CELSR1: variants seen among roughly 807,000 people sequenced by gnomAD.
CELSR1 encodes the protein adhesion G protein-coupled receptor C1.
CELSR1 carries 110 observed loss-of-function variants against 249.1 expected under a neutral mutation model. That is an observed-to-expected ratio of 0.44 (90% CI 0.38 to 0.52). The LOEUF is 0.52. Ranked by LOEUF, CELSR1 falls within the 20% of genes least tolerant of loss-of-function variation. CELSR1 has a pLI of 0.00. For missense variants in CELSR1, 4,109 were observed against 4,296.4 expected, an observed-to-expected ratio of 0.96 and a Z score of 1.22; for synonymous variants, 2,113 against 1,900.0, an observed-to-expected ratio of 1.11 and a Z score of -2.92.
At chr22:46,496,098 G>A (rs942216554) in intron 1 of CELSR1, among the ~76,000 whole-genome samples, 1 of 151,516 alleles carries the variant, frequency 6.6e-6, no homozygotes, top group African/African-American at 2.4e-5. Context: ...GGAGGCTGAG[G>A]CAGGAGAATC....
intron 9 of CELSR1, among the ~76,000 whole-genome samples, chr22:46,403,523 C>T (rs149142692): frequency 0.012 from 1,869 of 152,110 alleles, 42 homozygotes; most frequent in Middle Eastern, 0.044. Context: ...AGCCACTGCA[C>T]TCCAGCCTGG....
rs373475956 is a variant in CELSR1 at position 46,527,926 on chromosome 22, T to A, written c.3544+5701A>T. Among the ~76,000 whole-genome samples the A allele has an allele frequency of 3.3e-5, 5 of 152,082 alleles. No homozygotes were observed. The highest frequency in any genetic ancestry group is 1.2e-4 in the African/African-American group (5 of 41,478). On this transcript the variant is annotated intron_variant, in intron 1 of 34. Transcript: ENST00000674500. This position sits in a 1 kb window ranked among gnomAD's most constrained non-coding sequence, Gnocchi z 5.5. ...GCCTGGCCAGCATGGTGAAACCCCATCTCTACAAAAATACAAAAATTAGCC... is the reference window on the plus strand; with the variant it reads ...GCCTGGCCAGCATGGTGAAACCCCAACTCTACAAAAATACAAAAATTAGCC...
Position 46,463,253 on chromosome 22 carries a change from C to T in CELSR1, c.4183+454G>A, listed in dbSNP as rs563430358. ...ATTGCTGGCCGGACACGGTGGCTCACGCCTGTAATCCCTGCTCTCTGGGAG... is the reference window on the plus strand; with the variant it reads ...ATTGCTGGCCGGACACGGTGGCTCATGCCTGTAATCCCTGCTCTCTGGGAG... On this transcript the variant is annotated intron_variant, in intron 2 of 34. Transcript: ENST00000674500. 3.7e-4 allele frequency among the ~76,000 whole-genome samples: 57 copies of T among 152,320 alleles called. No homozygotes were observed. In the East Asian group the frequency reaches 9.5e-3, roughly 25 times the overall value.
In CELSR1 at chr22:46,393,217, G is replaced by A. The variant is rs142113331; in HGVS notation, c.5964+925C>T. 6.8e-4 allele frequency among the ~76,000 whole-genome samples: 104 copies of A among 152,312 alleles called. 1 individual carries two copies. The highest frequency in any genetic ancestry group is 2.2e-3 in the African/African-American group (93 of 41,570). ...TCAAGTCACTGTGAGCGCCATGGCC[G>A]TGGTGTACACGAAGATCCTGAAGGA... On this transcript the variant is annotated intron_variant, in intron 14 of 34. Transcript: ENST00000674500. The surrounding 1 kb of genome is among the most constrained non-coding windows in gnomAD (Gnocchi z 4.1).
At chr22:46,431,032 G>A (rs574809242) in intron 5 of CELSR1, among the ~76,000 whole-genome samples, 2 of 152,204 alleles carry the variant, frequency 1.3e-5, no homozygotes, top group African/African-American at 2.4e-5. Context: ...AGTATCTGGC[G>A]CTCGCAGGAA....
chr22:46,428,959 C>A lies in CELSR1; in HGVS notation c.4611+4434G>T, dbSNP rs1371302843. On this transcript the variant is annotated intron_variant, in intron 5 of 34. Transcript: ENST00000674500. The surrounding 1 kb of genome is among the most constrained non-coding windows in gnomAD (Gnocchi z 5.7). ...GCCCAGGTCAGGTGGACACGAGCCACCCTTGCTTCCCCAGGGCCCCGTTAA... is the reference window on the plus strand; with the variant it reads ...GCCCAGGTCAGGTGGACACGAGCCAACCTTGCTTCCCCAGGGCCCCGTTAA... 6.6e-6 allele frequency among the ~76,000 whole-genome samples: 1 copy of A among 152,190 alleles called. No homozygotes were observed. Among genetic ancestry groups the A allele is most frequent in the Non-Finnish European group, 1.5e-5 (1 of 68,028 alleles).
In CELSR1 at chr22:46,534,745, G is replaced by C; in HGVS notation, c.2426C>G (p.Ala809Gly). ...GTCCTCATCGTTGGCACTGAGGGTAGCAATGGAGGTGCCCACAGGCCTGTC... is the reference window on the plus strand; with the variant it reads ...GTCCTCATCGTTGGCACTGAGGGTACCAATGGAGGTGCCCACAGGCCTGTC... ...SEDRPVGTSIATLSANDEDTG... is the reference protein window; with the variant it reads ...SEDRPVGTSIGTLSANDEDTG... Residue 809 changes from alanine (A) to glycine (G), a missense_variant, in exon 1 of 35, where the codon GCT becomes GGT. Physicochemically the swap from Ala to Gly is moderately conservative, Grantham distance 60. Coordinates refer to ENST00000674500, the MANE Select transcript of CELSR1 (RefSeq NM_001378328.1). The surrounding 1 kb of genome is among the most constrained non-coding windows in gnomAD (Gnocchi z 9.7). 1 of 1,613,148 alleles carries C rather than the reference G, an allele frequency of 6.2e-7. No individual in the cohort carries two copies. Among genetic ancestry groups the C allele is most frequent in the Non-Finnish European group, 8.5e-7 (1 of 1,180,026 alleles).
Position 46,526,091 on chromosome 22 carries a change from G to T in CELSR1, c.3544+7536C>A, listed in dbSNP as rs1369937933. Among the ~76,000 whole-genome samples, 2 of 152,218 alleles carry T rather than the reference G, an allele frequency of 1.3e-5. No homozygotes were observed. Among genetic ancestry groups the T allele is most frequent in the South Asian group, 4.1e-4 (2 of 4,838 alleles). ...TCCCCGGGCAGCTGGTGCTGAGGTG[G>T]GCGCCCTGCCCTGGTGAGTCCATGT... On this transcript the variant is annotated intron_variant, in intron 1 of 34. Coordinates refer to ENST00000674500, the MANE Select transcript of CELSR1 (RefSeq NM_001378328.1). The surrounding 1 kb of genome is among the most constrained non-coding windows in gnomAD (Gnocchi z 4.7).
At chr22:46,497,011 C>T (rs1185839455) in intron 1 of CELSR1, among the ~76,000 whole-genome samples, 1 of 152,166 alleles carries the variant, frequency 6.6e-6, no homozygotes, top group African/African-American at 2.4e-5. Flanking sequence ...TAGAATTTTA[C>T]ACGACTGGTA....
chr22:46,439,259 T>C lies in CELSR1; in HGVS notation c.4336A>G (p.Ser1446Gly), dbSNP rs1374175832. ...ERPYCEVTTR[S>G]FPPQSFVTFR... ...GTGACGAAGGACTGGGGCGGGAAGC[T>C]CCTGGTGGTCACCTCACAGTAGGGC... Residue 1446 changes from serine to glycine, a missense_variant, in exon 3 of 35, where the codon AGC (serine) becomes GGC (glycine). Transcript: ENST00000674500. 6 of 1,613,982 alleles carry C rather than the reference T, an allele frequency of 3.7e-6. No homozygotes were observed. Among genetic ancestry groups the C allele is most frequent in the Non-Finnish European group, 5.1e-6 (6 of 1,179,986 alleles).
At chr22:46,400,329 G>T (rs1178378743) in intron 9 of CELSR1, among the ~76,000 whole-genome samples, 1 of 142,078 alleles carries the variant, frequency 7.0e-6, no homozygotes, top group Admixed American at 7.1e-5. Flanking sequence ...ACTTGGTCTC[G>T]AGAAAAAAAA....
Position 46,364,028 on chromosome 22 carries a change from A to G in CELSR1, c.9003T>C (p.Thr3001=). The G allele has an allele frequency of 6.2e-7, 1 of 1,610,340 alleles. No homozygotes were observed. The highest frequency in any genetic ancestry group is 8.5e-7 in the Non-Finnish European group (1 of 1,178,838). The change falls in exon 34 of 35, where the codon ACT becomes ACC. Residue 3001 remains threonine (T), a synonymous_variant. Transcript: ENST00000674500. The part of the protein sequence containing the change: ...HLNGVAMNVR[T]GSAQADGSDS... Reference sequence around the variant, plus strand: ...CGGAGCCATCGGCCTGGGCGCTCCCAGTGCGCACATTCATGGCCACCCCGT... The same window carrying G: ...CGGAGCCATCGGCCTGGGCGCTCCCGGTGCGCACATTCATGGCCACCCCGT...
intron 30 of CELSR1, 94 bp downstream of exon 30, chr22:46,366,292 G>T: frequency 1.6e-6 from 1 of 617,464 alleles, no homozygotes; most frequent in Non-Finnish European, 2.3e-6. Flanking sequence ...GGAAGGTGAT[G>T]TTGGTTGAAT....
At chr22:46,420,302 A>G (rs376005849) in intron 5 of CELSR1, among the ~76,000 whole-genome samples, 8 of 121,028 alleles carry the variant, frequency 6.6e-5, no homozygotes, top group African/African-American at 3.6e-4. Context: ...TCAGCCACTC[A>G]TGTGCACTCA....
intron 2 of CELSR1, among the ~76,000 whole-genome samples, chr22:46,451,829 T>G (rs2079888738): frequency 6.6e-6 from 1 of 152,188 alleles, no homozygotes; most frequent in South Asian, 2.1e-4. Flanking sequence ...AAAGTGCAAT[T>G]AAGTTAAGGA....
rs1012924076 is a variant in CELSR1 at position 46,412,456 on chromosome 22, G to A, written c.4612-697C>T. Among the ~76,000 whole-genome samples, 1 of 152,178 alleles carries A rather than the reference G, an allele frequency of 6.6e-6. No homozygotes were observed. The highest frequency in any genetic ancestry group is 2.4e-5 in the African/African-American group (1 of 41,452). On this transcript the variant is annotated intron_variant, in intron 5 of 34. Coordinates refer to ENST00000674500, the MANE Select transcript of CELSR1 (RefSeq NM_001378328.1). The surrounding 1 kb of genome is among the most constrained non-coding windows in gnomAD (Gnocchi z 4.5). ...TCGTGCTCCTGGAGTACAGACACCA[G>A]GAGGCCACTGCCCGGCCTGCAGACG...
At chr22:46,533,553 A>C in intron 1 of CELSR1, 74 bp downstream of exon 1, 1 of 1,495,892 alleles carries the variant, frequency 6.7e-7, no homozygotes, top group Non-Finnish European at 8.9e-7. Flanking sequence ...TGCCAGGCGG[A>C]GCCCTTGGCG....
intron 20 of CELSR1, among the ~76,000 whole-genome samples, chr22:46,382,544 G>A (rs1349921736): frequency 6.6e-6 from 1 of 152,154 alleles, no homozygotes; most frequent in African/African-American, 2.4e-5. Context: ...CCAAAGTGCT[G>A]GGATTACAGC....
rs1168025646 is a variant in CELSR1 at position 46,423,941 on chromosome 22, G to A, written c.4611+9452C>T. Among the ~76,000 whole-genome samples the A allele has an allele frequency of 6.6e-6, 1 of 152,116 alleles. No individual in the cohort carries two copies. The highest frequency in any genetic ancestry group is 2.4e-5 in the African/African-American group (1 of 41,430). ...CAGTGAGCCGAGATTGTGCCAGCCT[G>A]GGTGACAGAGTGAGACTGCATCTCA... On this transcript the variant is annotated intron_variant, in intron 5 of 34. Coordinates refer to ENST00000674500, the MANE Select transcript of CELSR1 (RefSeq NM_001378328.1). The surrounding 1 kb of genome is among the most constrained non-coding windows in gnomAD (Gnocchi z 5.6).
Sources: allele counts gnomAD v4.1 joint callset (sites outside exome capture counted in the v4.1 genomes callset), GRCh38; gene constraint gnomAD v4.1.1; non-coding constraint Gnocchi (gnomAD v3.1); transcripts MANE v1.5; gene names NCBI Gene and HGNC (gene_info 2026-07-23, HGNC 2026-07-21).